FARS2: variants seen among roughly 807,000 people sequenced by gnomAD.
The protein encoded by FARS2 is phenylalanyl-tRNA synthetase 2, mitochondrial, also known as phenylalanine--tRNA ligase, mitochondrial.
Under a neutral mutation model 46.4 loss-of-function variants are expected in FARS2, and 40 were observed. That is an observed-to-expected ratio of 0.86 (90% CI 0.67 to 1.12). The LOEUF is 1.12. Ranked by LOEUF, FARS2 falls within the 50% of genes most tolerant of loss-of-function variation. FARS2 has a pLI of 0.00. For missense variants in FARS2, 513 were observed against 567.9 expected, an observed-to-expected ratio of 0.90 and a Z score of 0.98; for synonymous variants, 234 against 214.9, an observed-to-expected ratio of 1.09 and a Z score of -0.78.
chr6:5,608,497 C>G (rs1774975847), intron 5 of FARS2, among the ~76,000 whole-genome samples: 1 of 152,120 alleles, frequency 6.6e-6, no homozygotes, highest in Non-Finnish European at 1.5e-5. Flanking sequence ...CTTCTAAAGT[C>G]TCTACTGTAT....
At chr6:5,499,920 A>G (rs909537638) in intron 4 of FARS2, among the ~76,000 whole-genome samples, 4 of 152,160 alleles carry the variant, frequency 2.6e-5, no homozygotes, top group African/African-American at 2.4e-5. Context: ...CTGTCCCTGT[A>G]TGGTTGCTGC....
intron 5 of FARS2, chr6:5,609,492 T>C (rs1385007524): frequency 3.4e-5 from 42 of 1,226,902 alleles, no homozygotes; most frequent in Non-Finnish European, 4.6e-5. Flanking sequence ...TCCACCACCA[T>C]CATGGCTGCC....
chr6:5,602,904 C>G (rs573986777), intron 5 of FARS2, among the ~76,000 whole-genome samples: 1 of 152,244 alleles, frequency 6.6e-6, no homozygotes, highest in South Asian at 2.1e-4. Flanking sequence ...AGTGTTTTGT[C>G]TAGAACACTA....
At chr6:5,482,055 C>A (rs1013519650) in intron 4 of FARS2, among the ~76,000 whole-genome samples, 1 of 152,100 alleles carries the variant, frequency 6.6e-6, no homozygotes, top group African/African-American at 2.4e-5. Context: ...AGGAAACATG[C>A]TTCCTCTTTC....
chr6:5,618,427 C>T (rs893243135), intron 6 of FARS2, among the ~76,000 whole-genome samples: 3 of 152,104 alleles, frequency 2.0e-5, no homozygotes, highest in Non-Finnish European at 2.9e-5. Flanking sequence ...AAAAGAGCGC[C>T]GACCCTTTCT....
chr6:5,286,327 A>G, intron 1 of FARS2, among the ~76,000 whole-genome samples: 1 of 152,018 alleles, frequency 6.6e-6, no homozygotes, highest in East Asian at 1.9e-4. Context: ...CAGGGGTGTG[A>G]TCTTGGCTCA....
chr6:5,654,889 G>A (rs1777536298), intron 6 of FARS2, among the ~76,000 whole-genome samples: 1 of 152,198 alleles, frequency 6.6e-6, no homozygotes. Flanking sequence ...TGACAAGGAT[G>A]AAGACCTTTA....
At chr6:5,450,448 G>C (rs750404631) in intron 4 of FARS2, among the ~76,000 whole-genome samples, 3 of 151,824 alleles carry the variant, frequency 2.0e-5, no homozygotes, top group Non-Finnish European at 4.4e-5. Context: ...GGCGGCCTTG[G>C]TCTCCTGCTC....
At chr6:5,723,593 A>G (rs1760052421) in intron 6 of FARS2, among the ~76,000 whole-genome samples, 1 of 152,222 alleles carries the variant, frequency 6.6e-6, no homozygotes, top group African/African-American at 2.4e-5. Context: ...TCTCTCCTGT[A>G]TACACTGCCT....
intron 6 of FARS2, among the ~76,000 whole-genome samples, chr6:5,711,279 G>T (rs112518775): frequency 2.0e-4 from 28 of 141,930 alleles, no homozygotes; most frequent in Middle Eastern, 3.4e-3. Flanking sequence ...CAATATAAAT[G>T]AATGCGGGAT....
At chr6:5,650,244 A>C (rs1268085677) in intron 6 of FARS2, among the ~76,000 whole-genome samples, 2 of 140,642 alleles carry the variant, frequency 1.4e-5, no homozygotes, top group East Asian at 4.3e-4. Flanking sequence ...ACCGATGTCA[A>C]AGTGGGCCAC....
chr6:5,346,219 C>T (rs983322865), intron 1 of FARS2, among the ~76,000 whole-genome samples: 1 of 152,192 alleles, frequency 6.6e-6, no homozygotes, highest in Non-Finnish European at 1.5e-5. Flanking sequence ...TGAAAAACCA[C>T]TCTGCATATT....
intron 6 of FARS2, among the ~76,000 whole-genome samples, chr6:5,758,998 G>A (rs1390435870): frequency 6.6e-6 from 1 of 152,094 alleles, no homozygotes; most frequent in Non-Finnish European, 1.5e-5. Context: ...AAAGATCTAA[G>A]CCAGGAGGCC....
Position 5,431,166 on chromosome 6 carries a change from A to G in FARS2, c.898A>G (p.Asn300Asp). 6.2e-7 allele frequency: 1 copy of G among 1,613,700 alleles called. No individual in the cohort carries two copies. Among genetic ancestry groups the G allele is most frequent in the South Asian group, 1.1e-5 (1 of 91,050 alleles). The change falls in exon 4 of 7, where the codon AAT becomes GAT. Residue 300 changes from asparagine (N) to aspartate (D), a missense_variant. Coordinates refer to ENST00000274680, the MANE Select transcript of FARS2 (RefSeq NM_006567.5). Reference sequence around the variant, plus strand: ...CGGGGTGATGGAACAACAACTGGTCAATTCAGGTAAAAAAGAATCCCACAT... The same window carrying G: ...CGGGGTGATGGAACAACAACTGGTCGATTCAGGTAAAAAAGAATCCCACAT... ...GCGVMEQQLV[N>D]SAGAQDRIGW...
chr6:5,329,115 G>A (rs1770606492), intron 1 of FARS2, among the ~76,000 whole-genome samples: 1 of 151,090 alleles, frequency 6.6e-6, no homozygotes. Context: ...TCTCTGCTTA[G>A]TGTTGTTTCT....
chr6:5,447,198 G>A (rs190652043), intron 4 of FARS2, among the ~76,000 whole-genome samples: 2 of 152,260 alleles, frequency 1.3e-5, no homozygotes, highest in African/African-American at 4.8e-5. Context: ...TTGTCTAGGC[G>A]CTAAATGATG....
At chr6:5,269,289 G>T (rs911544433) in intron 1 of FARS2, among the ~76,000 whole-genome samples, 2 of 150,468 alleles carry the variant, frequency 1.3e-5, no homozygotes, top group Non-Finnish European at 3.0e-5. Flanking sequence ...ATTGAACAAC[G>T]AGAACACTTG....
chr6:5,610,723 A>G (rs1775131108), intron 5 of FARS2, among the ~76,000 whole-genome samples: 1 of 152,228 alleles, frequency 6.6e-6, no homozygotes, highest in Non-Finnish European at 1.5e-5. Context: ...GAAAACATGA[A>G]TAATATTGTA....
chr6:5,483,954 A>G (rs1051086775), intron 4 of FARS2, among the ~76,000 whole-genome samples: 4 of 152,040 alleles, frequency 2.6e-5, no homozygotes, highest in African/African-American at 9.7e-5. Flanking sequence ...GGAGACTTGG[A>G]AGTTTGAAAT....
Sources: allele counts gnomAD v4.1 joint callset (sites outside exome capture counted in the v4.1 genomes callset), GRCh38; gene constraint gnomAD v4.1.1; transcripts MANE v1.5; gene names NCBI Gene and HGNC (gene_info 2026-07-23, HGNC 2026-07-21).